The following STPG2 variants were observed in gnomAD, a reference collection of about 807,000 sequenced individuals.
STPG2 encodes sperm tail PG-rich repeat containing 2.
In STPG2, 56 loss-of-function variants were observed where a neutral mutation model predicts 54.2. That is an observed-to-expected ratio of 1.03 (90% confidence interval 0.83 to 1.29). The LOEUF (loss-of-function observed/expected upper bound fraction) is 1.29, where lower values mean the gene tolerates loss of function less well. STPG2 is among the 50% of genes most tolerant of loss of function. STPG2 has a pLI of 0.00. For synonymous variants in STPG2, 200 were observed against 181.8 expected, an observed-to-expected ratio of 1.10 and a Z score of -0.81; for missense variants, 596 against 544.9, an observed-to-expected ratio of 1.09 and a Z score of -0.93.
At chr4:97,589,290 A>G (rs771930009) in intron 10 of STPG2, among the ~76,000 whole-genome samples, 4 of 151,700 alleles carry the variant, frequency 2.6e-5, no homozygotes, top group Non-Finnish European at 4.4e-5. Context: ...TGTTGTTTTT[A>G]TTTAGCAACA....
At chr4:97,954,141 A>G (rs1733579511) in intron 7 of STPG2, among the ~76,000 whole-genome samples, 1 of 152,230 alleles carries the variant, frequency 6.6e-6, no homozygotes, top group Admixed American at 6.5e-5. Flanking sequence ...TTGGCTCTAG[A>G]GGAAATGAGT....
At chr4:98,070,659 A>C (rs560779662) in intron 5 of STPG2, among the ~76,000 whole-genome samples, 1 of 152,148 alleles carries the variant, frequency 6.6e-6, no homozygotes, top group Non-Finnish European at 1.5e-5. Context: ...AGCAACTTCA[A>C]CAAAGTCTCA....
chr4:97,805,366 C>A (rs1348545671), intron 9 of STPG2, among the ~76,000 whole-genome samples: 2 of 152,064 alleles, frequency 1.3e-5, no homozygotes, highest in Non-Finnish European at 1.5e-5. Flanking sequence ...CACCACCACA[C>A]CCTGCTAATT....
chr4:98,056,301 A>C (rs373382333), intron 5 of STPG2, among the ~76,000 whole-genome samples: 1 of 152,106 alleles, frequency 6.6e-6, no homozygotes, highest in East Asian at 1.9e-4. Context: ...CCCCAAGCCA[A>C]CACCACCTCC....
At chr4:97,872,641 T>C (rs1304322512) in intron 8 of STPG2, among the ~76,000 whole-genome samples, 2 of 151,294 alleles carry the variant, frequency 1.3e-5, no homozygotes, top group Non-Finnish European at 3.0e-5. Context: ...TGGAAAGATA[T>C]CTTTAATCTG....
intron 10 of STPG2, among the ~76,000 whole-genome samples, chr4:97,576,182 C>T (rs933504832): frequency 2.0e-5 from 3 of 151,764 alleles, no homozygotes; most frequent in Admixed American, 2.0e-4. Flanking sequence ...AATGGCCATG[C>T]TGCCCAAAGC....
chr4:97,719,117 A>G (rs1374204550), intron 9 of STPG2, among the ~76,000 whole-genome samples: 1 of 151,992 alleles, frequency 6.6e-6, no homozygotes, highest in Non-Finnish European at 1.5e-5. Flanking sequence ...ATCATTTTGG[A>G]TAAGACTACC....
At chr4:97,757,416 C>G (rs1445314234) in intron 9 of STPG2, among the ~76,000 whole-genome samples, 1 of 152,144 alleles carries the variant, frequency 6.6e-6, no homozygotes, top group East Asian at 1.9e-4. Flanking sequence ...GGTGAACGCT[C>G]TGTTCCATGA....
chr4:97,992,840 T>A (rs1407397265), intron 5 of STPG2, among the ~76,000 whole-genome samples: 5 of 151,900 alleles, frequency 3.3e-5, no homozygotes, highest in Non-Finnish European at 5.9e-5. Context: ...AAGTATTTTT[T>A]AAGCTATTGT....
intron 5 of STPG2, among the ~76,000 whole-genome samples, chr4:98,074,628 A>G (rs1383524135): frequency 1.3e-5 from 2 of 152,122 alleles, no homozygotes; most frequent in African/African-American, 4.8e-5. Context: ...TTCAGTCTAA[A>G]TATTTTCCAC....
intron 7 of STPG2, among the ~76,000 whole-genome samples, chr4:97,959,161 A>G (rs1458566385): frequency 6.6e-6 from 1 of 152,114 alleles, no homozygotes; most frequent in Admixed American, 6.6e-5. Context: ...AAATTAAAAG[A>G]TTACTCAAAC....
intron 10 of STPG2, among the ~76,000 whole-genome samples, chr4:97,653,127 A>G (rs1449950087): frequency 6.6e-6 from 1 of 152,010 alleles, no homozygotes; most frequent in Non-Finnish European, 1.5e-5. Context: ...AGATAGATAG[A>G]TAGATAGACA....
chr4:97,783,959 C>T (rs992663541), intron 9 of STPG2, among the ~76,000 whole-genome samples: 1 of 151,252 alleles, frequency 6.6e-6, no homozygotes, highest in Non-Finnish European at 1.5e-5. Flanking sequence ...AGGAGACATA[C>T]CTAATGTAAA....
chr4:97,737,274 A>G lies in STPG2; in HGVS notation c.1205-24460T>C, dbSNP rs1042175104. Among the ~76,000 whole-genome samples, 5 of 152,204 alleles carry G rather than the reference A, an allele frequency of 3.3e-5. No homozygotes were observed. In the South Asian group the frequency reaches 8.3e-4, roughly 25 times the overall value. On this transcript the variant is annotated intron_variant, in intron 9 of 10. Coordinates refer to ENST00000295268, the MANE Select transcript of STPG2 (RefSeq NM_174952.3). Reference sequence around the variant, plus strand: ...CAAAGATGTGGAAAAAACAGAGCAGAAAAACTGGAAATTCTAAAAAGCAGA... The same window carrying G: ...CAAAGATGTGGAAAAAACAGAGCAGGAAAACTGGAAATTCTAAAAAGCAGA...
intron 4 of STPG2, among the ~76,000 whole-genome samples, chr4:97,544,821 A>G (rs1287780143): frequency 6.6e-6 from 1 of 152,114 alleles, no homozygotes; most frequent in Admixed American, 6.5e-5. Context: ...TTTCCAGTAT[A>G]TAGCTTATTA....
intron 5 of STPG2, among the ~76,000 whole-genome samples, chr4:98,086,450 A>C (rs1408649802): frequency 6.6e-6 from 1 of 152,046 alleles, no homozygotes; most frequent in Admixed American, 6.5e-5. Flanking sequence ...CATATATATA[A>C]ATGTACATAT....
intron 5 of STPG2, among the ~76,000 whole-genome samples, chr4:97,990,261 G>A (rs1734961716): frequency 6.6e-6 from 1 of 151,942 alleles, no homozygotes; most frequent in African/African-American, 2.4e-5. Flanking sequence ...AAATAACATA[G>A]AACAATCAAA....
intron 4 of STPG2, among the ~76,000 whole-genome samples, chr4:97,550,269 T>C (rs915686658): frequency 2.0e-5 from 3 of 152,044 alleles, no homozygotes; most frequent in Non-Finnish European, 4.4e-5. Flanking sequence ...AAAAGTATTT[T>C]GTATAGAAGG....
At chr4:97,696,392 T>G (rs1302700098) in intron 10 of STPG2, among the ~76,000 whole-genome samples, 1 of 152,240 alleles carries the variant, frequency 6.6e-6, no homozygotes, top group Non-Finnish European at 1.5e-5. Context: ...ATCAAAGTCT[T>G]GAATCTGAGA....
Sources: allele counts gnomAD v4.1 joint callset (sites outside exome capture counted in the v4.1 genomes callset), GRCh38; gene constraint gnomAD v4.1.1; transcripts MANE v1.5; gene names NCBI Gene and HGNC (gene_info 2026-07-23, HGNC 2026-07-21).